The following GSG1 variants were observed in gnomAD, a reference collection of about 807,000 sequenced individuals.
GSG1 encodes germ cell associated 1, also known as germ cell-specific gene 1 protein.
A neutral mutation model predicts 30.8 loss-of-function variants in GSG1; 28 were observed. The ratio of observed to expected loss-of-function variants is 0.91; its 90% CI spans 0.67 to 1.25. The LOEUF (loss-of-function observed/expected upper bound fraction) is 1.25, where lower values mean the gene tolerates loss of function less well. Among genes scored for constraint, GSG1 ranks in the 50% most tolerant of loss-of-function variants. The probability of loss-of-function intolerance (pLI) is 0.00; values close to 1 mark genes in which losing one functional copy is unlikely to be tolerated. For synonymous variants in GSG1, 162 were observed against 178.0 expected, an observed-to-expected ratio of 0.91 and a Z score of 0.71; for missense variants, 435 against 444.7, an observed-to-expected ratio of 0.98 and a Z score of 0.20.
rs1005444220 is a variant in GSG1 at position 13,093,037 on chromosome 12, C to T, written c.49-2219G>A. Among the ~76,000 whole-genome samples, 4 of 151,704 alleles carry T rather than the reference C, an allele frequency of 2.6e-5. No individual in the cohort carries two copies. Among genetic ancestry groups the T allele is most frequent in the Non-Finnish European group, 4.4e-5 (3 of 67,924 alleles). On this transcript the variant is annotated intron_variant, in intron 1 of 6. Transcript: ENST00000651961. The surrounding 1 kb of genome is among the most constrained non-coding windows in gnomAD (Gnocchi z 4.6). ...TCTTAAACTCCTGATCTTAGGTAATCTGCCCGCCTCGGCCTCCCAAAGTGC... is the reference window on the plus strand; with the variant it reads ...TCTTAAACTCCTGATCTTAGGTAATTTGCCCGCCTCGGCCTCCCAAAGTGC...
chr12:13,101,208 T>A lies in GSG1; in HGVS notation c.48+2257A>T, dbSNP rs955892650. Among the ~76,000 whole-genome samples, 10 of 151,512 alleles carry A rather than the reference T, an allele frequency of 6.6e-5. No homozygotes were observed. The highest frequency in any genetic ancestry group is 5.9e-4 in the Admixed American group (9 of 15,256). On this transcript the variant is annotated intron_variant, in intron 1 of 6. Transcript: ENST00000651961. This position sits in a 1 kb window ranked among gnomAD's most constrained non-coding sequence, Gnocchi z 5.8. ...GGGCGGGGGCGTAACGGGTGGGGCC[T>A]CTCGGGGGTGCCTGGGCCGCGCCAT...
rs1383142319 is a variant in GSG1 at position 13,083,634 on chromosome 12, C to G, written c.*1267G>C. The stretch of plus-strand genomic sequence containing the variant: ...CATGTGCCATGTTGGTGTGCTGCAC[C>G]CATTAACTCGTCATTTACGTTAGTA... On this transcript the variant is annotated 3_prime_UTR_variant, in exon 7 of 7. Coordinates refer to ENST00000651961, the MANE Select transcript of GSG1 (RefSeq NM_001080555.4). 6.6e-6 allele frequency: 1 copy of G among 150,516 alleles called. No homozygotes were observed. The highest frequency in any genetic ancestry group is 2.4e-5 in the African/African-American group (1 of 40,856). The allele number at this position is 150,516 out of a possible 1,614,324, so 9.3% of individuals were successfully genotyped here.
chr12:13,098,150 T>C (rs1440779244), intron 1 of GSG1, among the ~76,000 whole-genome samples: 1 of 151,994 alleles, frequency 6.6e-6, no homozygotes, highest in Non-Finnish European at 1.5e-5. Context: ...TGTTTTTTTT[T>C]TTTTTACGGT....
chr12:13,098,003 C>G (rs1258056447), intron 1 of GSG1, among the ~76,000 whole-genome samples: 1 of 152,212 alleles, frequency 6.6e-6, no homozygotes, highest in Non-Finnish European at 1.5e-5. Flanking sequence ...CTGCTCTCCT[C>G]AGACTGATGT....
chr12:13,086,552 T>C (rs1374225012), intron 6 of GSG1, among the ~76,000 whole-genome samples: 1 of 152,200 alleles, frequency 6.6e-6, no homozygotes, highest in African/African-American at 2.4e-5. Flanking sequence ...TTAACTTGAA[T>C]GTGTTGCTTT....
At chr12:13,099,741 T>A (rs1191834770) in intron 1 of GSG1, among the ~76,000 whole-genome samples, 1 of 112,824 alleles carries the variant, frequency 8.9e-6, no homozygotes, top group African/African-American at 4.1e-5. Context: ...GGATCCGGTG[T>A]TTTTTTTTGT....
At chr12:13,088,153 C>T (rs185497885) in intron 4 of GSG1, 94 bp from the exon 5 acceptor site, 8 of 1,336,070 alleles carry the variant, frequency 6.0e-6, no homozygotes, top group Admixed American at 3.8e-5. Flanking sequence ...AGTTAAGACC[C>T]TAGCAGCATC....
At chr12:13,088,466 G>A (rs1201311574) in intron 4 of GSG1, among the ~76,000 whole-genome samples, 1 of 152,006 alleles carries the variant, frequency 6.6e-6, no homozygotes. Flanking sequence ...AATAATAATA[G>A]TGGAGAAAAA....
rs1427548112 is a variant in GSG1, at chr12:13,083,604, G to C, written c.*1297C>G. 1 of 145,616 alleles carries C rather than the reference G, an allele frequency of 6.9e-6. No homozygotes were observed. Among genetic ancestry groups the C allele is most frequent in the African/African-American group, 2.6e-5 (1 of 39,080 alleles). The allele number at this position is 145,616 out of a possible 1,614,324, so 9.0% of individuals were successfully genotyped here. A position where few individuals can be genotyped will look rare whatever the true frequency, so the allele number is the denominator to read the frequency against. ...CACAACGTGCAGATTTGTTACATATGTATACATGTGCCATGTTGGTGTGCT... is the reference window on the plus strand; with the variant it reads ...CACAACGTGCAGATTTGTTACATATCTATACATGTGCCATGTTGGTGTGCT... On this transcript the variant is annotated 3_prime_UTR_variant, in exon 7 of 7. Coordinates refer to ENST00000651961, the MANE Select transcript of GSG1 (RefSeq NM_001080555.4).
intron 1 of GSG1, among the ~76,000 whole-genome samples, chr12:13,102,036 C>T (rs1434613315): frequency 6.6e-6 from 1 of 152,186 alleles, no homozygotes; most frequent in Non-Finnish European, 1.5e-5. Context: ...TGCACCTGTG[C>T]TACCAGCAGA....
chr12:13,087,327 C>A, intron 5 of GSG1, 64 bp from the exon 6 acceptor site: 1 of 1,256,232 alleles, frequency 8.0e-7, no homozygotes, highest in African/African-American at 1.5e-5. Context: ...GCCAGGAGTA[C>A]GATTTTGGAT....
At chr12:13,087,606 A>G (rs1038104911) in intron 5 of GSG1, among the ~76,000 whole-genome samples, 1 of 152,198 alleles carries the variant, frequency 6.6e-6, no homozygotes, top group South Asian at 2.1e-4. Flanking sequence ...ACTTTATCCA[A>G]TGGAGACTGG....
At position 13,095,763 on chromosome 12, in the gene GSG1, A is replaced by G; in HGVS notation, c.49-4945T>C. ...TATCTCATATTCTTTGGAGTGCCTCATGATTAAATGCTGCCTTACAGGGAA... is the reference window on the plus strand; with the variant it reads ...TATCTCATATTCTTTGGAGTGCCTCGTGATTAAATGCTGCCTTACAGGGAA... On this transcript the variant is annotated intron_variant, in intron 1 of 6. Coordinates refer to ENST00000651961, the MANE Select transcript of GSG1 (RefSeq NM_001080555.4). 4 of 1,535,008 alleles carry G rather than the reference A, an allele frequency of 2.6e-6. No homozygotes were observed. The South Asian group carries it at 4.8e-5, about 18-fold the overall frequency.
Position 13,090,706 on chromosome 12 carries a change from C to A in GSG1, c.161G>T (p.Gly54Val). ...CAGGGGCTTGGGCACCTTCTGTGTG[C>A]CCACAAACCAGTAGTTGCTGAGCAG... ...TSLLSNYWFV[G>V]TQKVPKPLCE... The change falls in exon 2 of 7, where the codon GGC (glycine) becomes GTC (valine). Residue 54 changes from glycine to valine, a missense_variant. Gly to Val is a moderately radical substitution (Grantham distance 109). Coordinates refer to ENST00000651961, the MANE Select transcript of GSG1 (RefSeq NM_001080555.4). 2 of 1,614,226 alleles carry A rather than the reference C, an allele frequency of 1.2e-6. No individual in the cohort carries two copies. Among genetic ancestry groups the A allele is most frequent in the Non-Finnish European group, 1.7e-6 (2 of 1,180,040 alleles).
At chr12:13,095,039 G>A (rs940460442) in intron 1 of GSG1, among the ~76,000 whole-genome samples, 2 of 152,134 alleles carry the variant, frequency 1.3e-5, no homozygotes, top group Non-Finnish European at 2.9e-5. Flanking sequence ...GCTCAAAGAG[G>A]TTCCTTCCAG....
chr12:13,087,411 TAATTCAC>T, intron 5 of GSG1, 148 bp from the exon 6 acceptor site: 1 of 611,020 alleles, frequency 1.6e-6, no homozygotes, highest in East Asian at 2.7e-5. Context: ...TCCCGAAGAC[TAATTCAC>T]AATGGGGGCT....
chr12:13,088,158 A>G, intron 4 of GSG1, 99 bp from the exon 5 acceptor site: 2 of 1,307,700 alleles, frequency 1.5e-6, no homozygotes, highest in Non-Finnish European at 2.1e-6. Context: ...AGACCCTAGC[A>G]GCATCTGAGA....
intron 1 of GSG1, 113 bp downstream of exon 1, chr12:13,103,352 T>A: frequency 1.2e-6 from 1 of 833,504 alleles, no homozygotes; most frequent in Non-Finnish European, 2.1e-6. Context: ...AGCTCTTTAC[T>A]GTGACCATGT....
chr12:13,087,539 C>T (rs1382508327), intron 5 of GSG1, among the ~76,000 whole-genome samples: 2 of 152,188 alleles, frequency 1.3e-5, no homozygotes, highest in Non-Finnish European at 2.9e-5. Flanking sequence ...CACCCCTACT[C>T]CTTCCCACCC....
Sources: allele counts gnomAD v4.1 joint callset (sites outside exome capture counted in the v4.1 genomes callset), GRCh38; gene constraint gnomAD v4.1.1; non-coding constraint Gnocchi (gnomAD v3.1); transcripts MANE v1.5; gene names NCBI Gene and HGNC (gene_info 2026-07-23, HGNC 2026-07-21).